The following ABCG8 variants were observed in gnomAD, a reference collection of about 807,000 sequenced individuals.
The protein encoded by ABCG8 is ATP-binding cassette sub-family G member 8.
Under a neutral mutation model 71.3 loss-of-function variants are expected in ABCG8, and 81 were observed. The ratio of observed to expected loss-of-function variants is 1.14; its 90% CI spans 0.95 to 1.37. ABCG8 has a LOEUF of 1.37. ABCG8 is among the 40% of genes most tolerant of loss of function. The pLI, the probability that ABCG8 is intolerant of heterozygous loss-of-function variation, is 0.00. For synonymous variants in ABCG8, 451 were observed against 354.7 expected, an observed-to-expected ratio of 1.27 and a Z score of -3.05; for missense variants, 1,119 against 866.2, an observed-to-expected ratio of 1.29 and a Z score of -3.66.
In ABCG8 at chr2:43,874,508, G is replaced by A. The variant is rs552831615; in HGVS notation, c.1488+25G>A. On this transcript the variant is annotated intron_variant, in intron 10 of 12. Coordinates refer to ENST00000272286, the MANE Select transcript of ABCG8 (RefSeq NM_022437.3). ...GGTGACTGGGCAGGGTTGAGAGCAA[G>A]TGCCCCCCACCCACCAGGGTGGGGG... is the stretch of plus-strand genomic sequence containing the variant. The A allele has an allele frequency of 1.5e-5, 22 of 1,453,898 alleles. No individual in the cohort carries two copies. In the East Asian group the frequency reaches 5.1e-4, roughly 33 times the overall value. The allele number at this position is 1,453,898 out of a possible 1,614,324, so 90.1% of individuals were successfully genotyped here. A position where few individuals can be genotyped will look rare whatever the true frequency, so the allele number is the denominator to read the frequency against.
chr2:43,863,193 A>C (rs1015842720), intron 6 of ABCG8, among the ~76,000 whole-genome samples: 2 of 150,870 alleles, frequency 1.3e-5, no homozygotes, highest in Non-Finnish European at 3.0e-5. Context: ...CTCACTACCT[A>C]TCTGGATATA....
chr2:43,846,158 G>T lies in ABCG8; in HGVS notation c.169G>T (p.Asp57Tyr), dbSNP rs920293552. ...LEVRDLNYQVDLASQVPWFEQ... is the reference protein window; with the variant it reads ...LEVRDLNYQVYLASQVPWFEQ... ...ACCTTCTGATATCTCCCCACAGGTG[G>T]ACCTGGCCTCTCAGGTCCCTTGGTT... is the stretch of plus-strand genomic sequence containing the variant. The change falls in exon 3 of 13, where the codon GAC becomes TAC. Residue 57 changes from aspartate (D) to tyrosine (Y), a missense_variant. Coordinates refer to ENST00000272286, the MANE Select transcript of ABCG8 (RefSeq NM_022437.3). 5.6e-6 allele frequency: 9 copies of T among 1,613,168 alleles called. No individual in the cohort carries two copies. The highest frequency in any genetic ancestry group is 7.6e-6 in the Non-Finnish European group (9 of 1,180,002).
chr2:43,877,426 TG>T, intron 11 of ABCG8, 134 bp from the exon 12 acceptor site: 1 of 1,393,962 alleles, frequency 7.2e-7, no homozygotes, highest in Non-Finnish European at 1.0e-6. Flanking sequence ...TGTGGGAATA[TG>T]GGGAGATCAT....
chr2:43,882,205 C>A lies in ABCG8; in HGVS notation c.*4292C>A, dbSNP rs1243920363. 6.6e-6 allele frequency: 1 copy of A among 152,162 alleles called. No homozygotes were observed. Among genetic ancestry groups the A allele is most frequent in the Non-Finnish European group, 1.5e-5 (1 of 68,038 alleles). The allele number at this position is 152,162 out of a possible 1,614,324, so 9.4% of individuals were successfully genotyped here. On this transcript the variant is annotated 3_prime_UTR_variant, in exon 13 of 13. Transcript: ENST00000272286. ...AAATAGTATATAAGATGTAATCTTG[C>A]CCTGGGTTAAACCAGTCTACAGAGG...
At position 43,875,129 on chromosome 2, in the gene ABCG8, A is replaced by G; in HGVS notation, c.1489-17A>G. The G allele has an allele frequency of 6.2e-7, 1 of 1,614,172 alleles. No homozygotes were observed. The highest frequency in any genetic ancestry group is 1.1e-5 in the South Asian group (1 of 91,088). ...AAGGTGCTGGCTTCATATCCTTGCA[A>G]GGGCTGTTCTTTGCAGATCCTCGGG... On this transcript the variant is annotated splice_polypyrimidine_tract_variant and intron_variant, in intron 10 of 12. Transcript: ENST00000272286.
At chr2:43,875,845 C>A (rs1004653071) in intron 11 of ABCG8, among the ~76,000 whole-genome samples, 1 of 152,070 alleles carries the variant, frequency 6.6e-6, no homozygotes, top group Non-Finnish European at 1.5e-5. Context: ...AAGGTGCAAA[C>A]CCATGCCCCC....
intron 8 of ABCG8, among the ~76,000 whole-genome samples, chr2:43,872,621 G>A (rs541868433): frequency 2.4e-4 from 37 of 152,118 alleles, no homozygotes; most frequent in Non-Finnish European, 4.0e-4. Flanking sequence ...TGAGGTGGGA[G>A]GATTGCTTGA....
At chr2:43,842,217 T>G (rs902623004) in intron 1 of ABCG8, among the ~76,000 whole-genome samples, 1 of 152,210 alleles carries the variant, frequency 6.6e-6, no homozygotes, top group Admixed American at 6.5e-5. Flanking sequence ...TTCACTGTTT[T>G]GGCCAAGCTG....
intron 6 of ABCG8, among the ~76,000 whole-genome samples, chr2:43,855,536 C>G (rs1425524517): frequency 1.3e-5 from 2 of 151,948 alleles, no homozygotes; most frequent in Non-Finnish European, 2.9e-5. Flanking sequence ...TTAGTTAGAA[C>G]TCTCGCTATC....
chr2:43,855,608 C>T lies in ABCG8; in HGVS notation c.964+2740C>T, dbSNP rs1412805041. Reference sequence around the variant, plus strand: ...TCACTATCTATCTAGATAGAATTATCACTCTCTGGATAGAAATCTCACTAT... The same window carrying T: ...TCACTATCTATCTAGATAGAATTATTACTCTCTGGATAGAAATCTCACTAT... On this transcript the variant is annotated intron_variant, in intron 6 of 12. Coordinates refer to ENST00000272286, the MANE Select transcript of ABCG8 (RefSeq NM_022437.3). Among the ~76,000 whole-genome samples the T allele has an allele frequency of 4.6e-5, 7 of 152,162 alleles. No homozygotes were observed. The East Asian group carries it at 1.3e-3, about 29-fold the overall frequency.
intron 6 of ABCG8, among the ~76,000 whole-genome samples, chr2:43,865,638 C>T (rs72798808): frequency 0.037 from 5,517 of 150,488 alleles, 235 homozygotes; most frequent in South Asian, 0.066. Context: ...ATTCTCCCTA[C>T]TGATAGAACT....
chr2:43,851,614 T>C lies in ABCG8; in HGVS notation c.353T>C (p.Ile118Thr), dbSNP rs1439693458. 2.5e-6 allele frequency: 4 copies of C among 1,614,190 alleles called. No individual in the cohort carries two copies. In the South Asian group the frequency reaches 3.3e-5, roughly 13 times the overall value. ...GGGAGAGCCTCCTTGCTAGATGTGATCACTGGCCGAGGTCACGGCGGCAAG... is the reference window on the plus strand; with the variant it reads ...GGGAGAGCCTCCTTGCTAGATGTGACCACTGGCCGAGGTCACGGCGGCAAG... ...GCGRASLLDV[I>T]TGRGHGGKIK... is the part of the protein sequence containing the mutation. Residue 118 changes from isoleucine to threonine, a missense_variant, in exon 4 of 13, where the codon ATC becomes ACC. Coordinates refer to ENST00000272286, the MANE Select transcript of ABCG8 (RefSeq NM_022437.3).
chr2:43,877,265 CGTGGGAATATGGGGAGACT>C (rs1342816739), intron 11 of ABCG8, among the ~76,000 whole-genome samples: 1 of 144,562 alleles, frequency 6.9e-6, no homozygotes, highest in African/African-American at 2.6e-5. Context: ...TAAAGGAGAC[CGTGGGAATATGGGGAGACT>C]GTGGGAATAT....
intron 1 of ABCG8, among the ~76,000 whole-genome samples, chr2:43,840,799 A>G (rs754787995): frequency 6.6e-5 from 10 of 151,920 alleles, no homozygotes; most frequent in South Asian, 2.1e-4. Flanking sequence ...ATCCCACTCC[A>G]TGGGGCCCTC....
At chr2:43,868,768 C>T (rs1442611500) in intron 6 of ABCG8, among the ~76,000 whole-genome samples, 1 of 151,824 alleles carries the variant, frequency 6.6e-6, no homozygotes, top group Non-Finnish European at 1.5e-5. Context: ...GGATAGAACT[C>T]TGACAATGTA....
intron 9 of ABCG8, 39 bp downstream of exon 9, chr2:43,874,025 G>T (rs375352789): frequency 6.2e-7 from 1 of 1,607,750 alleles, no homozygotes; most frequent in African/African-American, 1.3e-5. Flanking sequence ...CAGGACCTCA[G>T]CCACCTCCAA....
At position 43,874,528 on chromosome 2, in the gene ABCG8, TG is replaced by T. The variant is rs771136391; in HGVS notation, c.1488+50del. 29 of 1,472,550 alleles carry T rather than the reference TG, an allele frequency of 2.0e-5. 1 individual carries two copies. In the African/African-American group the frequency reaches 2.5e-4, roughly 13 times the overall value. 91.2% of individuals were successfully genotyped at this position (1,472,550 alleles called of 1,614,324 possible). Reference sequence around the variant, plus strand: ...AGCAAGTGCCCCCCACCCACCAGGGTGGGGGTAAGTGTGGAGAAAACGTTGC... The same window carrying T: ...AGCAAGTGCCCCCCACCCACCAGGGTGGGGTAAGTGTGGAGAAAACGTTGC... On this transcript the variant is annotated intron_variant, in intron 10 of 12. Transcript: ENST00000272286.
intron 11 of ABCG8, among the ~76,000 whole-genome samples, chr2:43,876,966 GTGGGGA>G (rs1158385079): frequency 6.6e-6 from 1 of 150,532 alleles, no homozygotes; most frequent in Non-Finnish European, 1.5e-5. Flanking sequence ...AAAGGAGACA[GTGGGGA>G]TATGGGGAGA....
intron 6 of ABCG8, among the ~76,000 whole-genome samples, chr2:43,855,697 T>C (rs934536104): frequency 2.6e-5 from 4 of 152,008 alleles, no homozygotes; most frequent in African/African-American, 9.7e-5. Flanking sequence ...ATTCTCACCA[T>C]CGGGATAGAA....
Sources: allele counts gnomAD v4.1 joint callset (sites outside exome capture counted in the v4.1 genomes callset), GRCh38; gene constraint gnomAD v4.1.1; transcripts MANE v1.5; gene names NCBI Gene and HGNC (gene_info 2026-07-23, HGNC 2026-07-21).